The following SOX5 variants were observed in gnomAD, a reference collection of about 807,000 sequenced individuals.
The protein encoded by SOX5 is transcription factor SOX-5.
SOX5 carries 9 observed loss-of-function variants against 92.0 expected under a neutral mutation model. That is an observed-to-expected ratio of 0.10 (90% CI 0.06 to 0.17). The LOEUF is 0.17. Ranked by LOEUF, SOX5 falls within the 10% of genes least tolerant of loss-of-function variation. The probability of loss-of-function intolerance (pLI) is 1.00; values close to 1 mark genes in which losing one functional copy is unlikely to be tolerated. For missense variants in SOX5, 642 were observed against 944.5 expected, an observed-to-expected ratio of 0.68 and a Z score of 4.20; for synonymous variants, 344 against 336.3, an observed-to-expected ratio of 1.02 and a Z score of -0.25.
At chr12:24,510,634 G>A (rs1170673088) in intron 1 of SOX5, among the ~76,000 whole-genome samples, 1 of 152,198 alleles carries the variant, frequency 6.6e-6, no homozygotes, top group Non-Finnish European at 1.5e-5. Flanking sequence ...TAAAAAACAC[G>A]TGCCTGGGCC....
At chr12:24,492,041 C>T (rs1213856971) in intron 1 of SOX5, among the ~76,000 whole-genome samples, 2 of 147,036 alleles carry the variant, frequency 1.4e-5, no homozygotes, top group East Asian at 1.9e-4. Flanking sequence ...AGCAGACACA[C>T]ATACATTCTC....
chr12:24,168,255 T>C (rs1953657049), intron 4 of SOX5, among the ~76,000 whole-genome samples: 1 of 152,228 alleles, frequency 6.6e-6, no homozygotes, highest in Non-Finnish European at 1.5e-5. Flanking sequence ...CACTTTATTG[T>C]GGATTGTAGT....
chr12:24,211,770 T>C (rs1164967970), intron 4 of SOX5, among the ~76,000 whole-genome samples: 2 of 152,208 alleles, frequency 1.3e-5, no homozygotes, highest in Admixed American at 6.5e-5. Context: ...AATAAGTTGA[T>C]TGGACCAAGT....
chr12:23,703,846 C>T (rs1320920631), intron 6 of SOX5, among the ~76,000 whole-genome samples: 1 of 151,820 alleles, frequency 6.6e-6, no homozygotes, highest in Non-Finnish European at 1.5e-5. Flanking sequence ...TTCTCAGGAA[C>T]GATGACTCCA....
intron 3 of SOX5, among the ~76,000 whole-genome samples, chr12:23,775,485 G>A (rs2095068998): frequency 6.6e-6 from 1 of 152,126 alleles, no homozygotes; most frequent in South Asian, 2.1e-4. Flanking sequence ...AGAATAGGTG[G>A]CATAACACAA....
chr12:24,253,742 A>G (rs891248245), intron 3 of SOX5, among the ~76,000 whole-genome samples: 4 of 152,108 alleles, frequency 2.6e-5, no homozygotes, highest in African/African-American at 9.7e-5. Context: ...TGAAAACCCC[A>G]AATTTCCTGT....
At chr12:24,127,100 A>T (rs1191657817) in intron 4 of SOX5, among the ~76,000 whole-genome samples, 1 of 151,984 alleles carries the variant, frequency 6.6e-6, no homozygotes, top group Non-Finnish European at 1.5e-5. Context: ...TAGTAAAACA[A>T]GTTGATGCCA....
intron 1 of SOX5, among the ~76,000 whole-genome samples, chr12:23,934,831 T>G (rs901832051): frequency 6.6e-6 from 1 of 151,230 alleles, no homozygotes; most frequent in Non-Finnish European, 1.5e-5. Flanking sequence ...ATTCACAGAT[T>G]AAAGAATTAA....
chr12:24,027,524 G>T (rs1382103185), intron 4 of SOX5, among the ~76,000 whole-genome samples: 1 of 151,872 alleles, frequency 6.6e-6, no homozygotes, highest in Non-Finnish European at 1.5e-5. Context: ...TCTTAACTCT[G>T]ATGCCATGCC....
At chr12:24,208,572 C>G (rs1958260410) in intron 4 of SOX5, among the ~76,000 whole-genome samples, 1 of 152,230 alleles carries the variant, frequency 6.6e-6, no homozygotes, top group African/African-American at 2.4e-5. Flanking sequence ...AGCTCAAATA[C>G]TGCCTTGTCT....
At chr12:24,365,146 A>C (rs1199346137) in intron 2 of SOX5, among the ~76,000 whole-genome samples, 1 of 152,118 alleles carries the variant, frequency 6.6e-6, no homozygotes, top group Non-Finnish European at 1.5e-5. Context: ...TCATTTGTGC[A>C]AAGAGACAAA....
intron 6 of SOX5, among the ~76,000 whole-genome samples, chr12:23,706,119 G>GACATAAT (rs2091359305): frequency 1.3e-5 from 2 of 151,966 alleles, no homozygotes; most frequent in Non-Finnish European, 2.9e-5. Flanking sequence ...ATTCCCAAGG[G>GACATAAT]ACATAATCCC....
chr12:24,266,235 A>G (rs1456278079), intron 3 of SOX5, among the ~76,000 whole-genome samples: 1 of 152,070 alleles, frequency 6.6e-6, no homozygotes, highest in Non-Finnish European at 1.5e-5. Context: ...TTTTTAATAA[A>G]CAGGTTTTCA....
intron 3 of SOX5, among the ~76,000 whole-genome samples, chr12:24,275,327 G>A (rs553103925): frequency 6.6e-6 from 1 of 151,862 alleles, no homozygotes; most frequent in African/African-American, 2.4e-5. Context: ...TAATATATAT[G>A]CACATGTAGA....
At chr12:23,977,367 A>G (rs1194868918) in intron 4 of SOX5, among the ~76,000 whole-genome samples, 2 of 152,140 alleles carry the variant, frequency 1.3e-5, no homozygotes, top group Non-Finnish European at 2.9e-5. Flanking sequence ...AAACAGAAAA[A>G]TGGTATAATA....
chr12:23,533,315 CT>C lies in SOX5; in HGVS notation c.*903del. On this transcript the variant is annotated 3_prime_UTR_variant, in exon 15 of 15. Coordinates refer to ENST00000451604, the MANE Select transcript of SOX5 (RefSeq NM_006940.6). ...CTAAATTTCTTATGTCTCTCTCTCT[CT>C]CTCTCTTTTCACCTGAGAACAGCAC... 2.7e-6 allele frequency: 1 copy of C among 364,236 alleles called. No individual in the cohort carries two copies. Among genetic ancestry groups the C allele is most frequent in the Non-Finnish European group, 5.8e-6 (1 of 172,864 alleles). The allele number at this position is 364,236 out of a possible 1,614,324, so 22.6% of individuals were successfully genotyped here.
intron 11 of SOX5, among the ~76,000 whole-genome samples, chr12:23,556,287 T>C (rs970022161): frequency 2.6e-5 from 4 of 152,228 alleles, no homozygotes; most frequent in Non-Finnish European, 5.9e-5. Flanking sequence ...TTTCATTTTA[T>C]ATAAATTTGC....
At chr12:24,255,294 T>C (rs7298723) in intron 3 of SOX5, among the ~76,000 whole-genome samples, 23,120 of 152,174 alleles carry the variant, frequency 0.15, 2,247 homozygotes, top group South Asian at 0.23. Flanking sequence ...AGTGGCAATA[T>C]TGCCTTTAGA....
At chr12:24,288,466 GC>G (rs1184281905) in intron 2 of SOX5, among the ~76,000 whole-genome samples, 13 of 152,108 alleles carry the variant, frequency 8.5e-5, no homozygotes, top group Admixed American at 8.5e-4. Flanking sequence ...TCCACAAAAT[GC>G]CCTATGCCTT....
Sources: allele counts gnomAD v4.1 joint callset (sites outside exome capture counted in the v4.1 genomes callset), GRCh38; gene constraint gnomAD v4.1.1; transcripts MANE v1.5; gene names NCBI Gene and HGNC (gene_info 2026-07-23, HGNC 2026-07-21).